GNB4: variants seen among roughly 807,000 people sequenced by gnomAD.
GNB4 encodes the protein G protein subunit beta 4.
A neutral mutation model predicts 45.2 loss-of-function variants in GNB4; 28 were observed. That is an observed-to-expected ratio of 0.62 (90% confidence interval 0.46 to 0.85). The LOEUF (loss-of-function observed/expected upper bound fraction) is 0.85, where lower values mean the gene tolerates loss of function less well. Among genes scored for constraint, GNB4 ranks in the 40% least tolerant of loss-of-function variants. GNB4 has a pLI of 0.00. For synonymous variants in GNB4, 132 were observed against 143.7 expected (o/e 0.92, Z 0.58); for missense variants, 321 against 425.4 (o/e 0.75, Z 2.16).
At chr3:179,468,555 A>G in the GNB4 span, among the ~76,000 whole-genome samples, 1 of 152,106 alleles carries the variant, frequency 6.6e-6, no homozygotes, top group African/African-American at 2.4e-5. Context: ...AATTCAAGCC[A>G]TGATGGGAGT....
intron 1 of GNB4, among the ~76,000 whole-genome samples, chr3:179,434,639 T>G (rs1159910516): frequency 6.6e-6 from 1 of 151,704 alleles, no homozygotes; most frequent in Non-Finnish European, 1.5e-5. Flanking sequence ...GAGAATTGCT[T>G]GAACCTCGGA....
the GNB4 span, among the ~76,000 whole-genome samples, chr3:179,470,376 G>T: frequency 2.6e-5 from 4 of 151,958 alleles, no homozygotes; most frequent in African/African-American, 9.7e-5. Flanking sequence ...GTGGAGGAGG[G>T]AGACAGTGAT....
chr3:179,484,992 CT>C, the GNB4 span, among the ~76,000 whole-genome samples: 1 of 139,450 alleles, frequency 7.2e-6, no homozygotes, highest in Non-Finnish European at 1.5e-5. Context: ...TTCATGGCAA[CT>C]TTTTTCGTTT....
chr3:179,509,787 C>T, the GNB4 span, among the ~76,000 whole-genome samples: 1 of 151,914 alleles, frequency 6.6e-6, no homozygotes, highest in African/African-American at 2.4e-5. Context: ...ACTTGGCATA[C>T]AATATTGGTT....
At chr3:179,427,602 CT>C (rs1222865824) in intron 1 of GNB4, among the ~76,000 whole-genome samples, 2 of 57,034 alleles carry the variant, frequency 3.5e-5, no homozygotes, top group African/African-American at 2.0e-4. Context: ...GAGACTCTGG[CT>C]TTAAAAAAAA....
At chr3:179,494,907 C>CA in the GNB4 span, among the ~76,000 whole-genome samples, 3,509 of 31,178 alleles carry the variant, frequency 0.11, 92 homozygotes, top group Non-Finnish European at 0.15. Context: ...GACTCTGTCT[C>CA]AAAAAAAAAA....
intron 1 of GNB4, among the ~76,000 whole-genome samples, chr3:179,439,882 T>C (rs1023064712): frequency 3.9e-5 from 6 of 152,348 alleles, no homozygotes; most frequent in African/African-American, 1.4e-4. Flanking sequence ...CAAATAAACC[T>C]CACGAAATAA....
At chr3:179,475,191 C>T in the GNB4 span, among the ~76,000 whole-genome samples, 4 of 151,982 alleles carry the variant, frequency 2.6e-5, no homozygotes, top group South Asian at 2.1e-4. Context: ...AATCTCAGCT[C>T]GCTGCAACCT....
At chr3:179,518,802 G>T in the GNB4 span, among the ~76,000 whole-genome samples, 2 of 152,280 alleles carry the variant, frequency 1.3e-5, no homozygotes, top group Admixed American at 6.5e-5. Flanking sequence ...GCAACCCTGA[G>T]ATGCTTTACA....
At chr3:179,495,546 A>G in the GNB4 span, among the ~76,000 whole-genome samples, 1 of 65,222 alleles carries the variant, frequency 1.5e-5, no homozygotes, top group East Asian at 5.9e-4. Flanking sequence ...AGGAGAAAAT[A>G]AAAGAAAAGA....
chr3:179,473,871 A>G, the GNB4 span, among the ~76,000 whole-genome samples: 5 of 152,210 alleles, frequency 3.3e-5, no homozygotes, highest in African/African-American at 1.2e-4. Context: ...ATTATATGAA[A>G]TTACCCAGCA....
the GNB4 span, chr3:179,464,727 G>A: frequency 9.5e-7 from 1 of 1,054,696 alleles, no homozygotes; most frequent in East Asian, 2.4e-5. Flanking sequence ...TAATGTAGAT[G>A]GCCTCCTTGT....
chr3:179,444,336 G>T (rs1457726836), intron 1 of GNB4, among the ~76,000 whole-genome samples: 2 of 151,248 alleles, frequency 1.3e-5, no homozygotes, highest in African/African-American at 4.9e-5. Flanking sequence ...CACAAACCAT[G>T]AAAACTAATA....
At position 179,397,619 on chromosome 3, in the gene GNB4, C is replaced by G. The variant is rs1714158754; in HGVS notation, c.*3594G>C. ...GAATTCAATGTGGTGTGTGTAATCACAAGTAAAAACTTGAGCTAGGGAGGA... is the reference window on the plus strand; with the variant it reads ...GAATTCAATGTGGTGTGTGTAATCAGAAGTAAAAACTTGAGCTAGGGAGGA... On this transcript the variant is annotated 3_prime_UTR_variant, in exon 10 of 10. Transcript: ENST00000232564. 1 of 152,740 alleles carries G rather than the reference C, an allele frequency of 6.5e-6. No homozygotes were observed. Among genetic ancestry groups the G allele is most frequent in the South Asian group, 2.1e-4 (1 of 4,826 alleles). 9.5% of individuals were successfully genotyped at this position (152,740 alleles called of 1,614,324 possible).
At position 179,420,901 on chromosome 3, in the gene GNB4, T is replaced by G. The variant is rs770125763; in HGVS notation, c.84A>C (p.Ala28=). ...IQDARKACND[A]TLVQITSNMD... The stretch of plus-strand genomic sequence containing the variant: ...AACAAAACTTTACCTGAACAAGCGT[T>G]GCATCATTACATGCTTTCCGAGCAT... The change falls in exon 3 of 10, where the codon GCA becomes GCC. Residue 28 remains alanine, a synonymous_variant. Transcript: ENST00000232564. 28 of 1,592,420 alleles carry G rather than the reference T, an allele frequency of 1.8e-5. No homozygotes were observed. The highest frequency in any genetic ancestry group is 6.8e-5 in the Admixed American group (4 of 58,504).
the GNB4 span, among the ~76,000 whole-genome samples, chr3:179,461,210 G>A: frequency 3.3e-5 from 5 of 152,258 alleles, no homozygotes; most frequent in East Asian, 9.6e-4. Flanking sequence ...CCCAGACCCT[G>A]CCACTGGAAA....
rs1450653575 is a variant in GNB4, at chr3:179,399,220, T to C, written c.*1993A>G. 6.6e-6 allele frequency: 1 copy of C among 152,154 alleles called. No individual in the cohort carries two copies. The highest frequency in any genetic ancestry group is 1.5e-5 in the Non-Finnish European group (1 of 68,020). 9.4% of individuals were successfully genotyped at this position (152,154 alleles called of 1,614,324 possible). On this transcript the variant is annotated 3_prime_UTR_variant, in exon 10 of 10. Transcript: ENST00000232564. ...CATATAATTTTTTTTTTTTCCAATTTGAGATGGAGTCTCACTCTGTCGCCT... is the reference window on the plus strand; with the variant it reads ...CATATAATTTTTTTTTTTTCCAATTCGAGATGGAGTCTCACTCTGTCGCCT...
chr3:179,501,258 C>A, the GNB4 span, among the ~76,000 whole-genome samples: 1 of 151,538 alleles, frequency 6.6e-6, no homozygotes, highest in African/African-American at 2.4e-5. Context: ...CCTTGTCAGT[C>A]CTCTGAATTC....
At chr3:179,515,782 G>A in the GNB4 span, among the ~76,000 whole-genome samples, 1 of 152,156 alleles carries the variant, frequency 6.6e-6, no homozygotes, top group Non-Finnish European at 1.5e-5. Flanking sequence ...GGTATGGAGA[G>A]ATAATGGGTG....
Sources: gnomAD v4.1 joint callset for allele counts (sites outside exome capture counted in the v4.1 genomes callset) on GRCh38, gnomAD v4.1.1 for gene constraint, MANE v1.5 for transcripts, NCBI Gene and HGNC (gene_info 2026-07-23, HGNC 2026-07-21) for gene names.